LINC00305: variants seen among roughly 807,000 people sequenced by gnomAD.
LINC00305 encodes long intergenic non-protein coding RNA 305.
intron 1 of LINC00305, among the ~76,000 whole-genome samples, chr18:64,128,915 T>C (rs1363098830): frequency 6.6e-6 from 1 of 152,142 alleles, no homozygotes; most frequent in Admixed American, 6.6e-5. Flanking sequence ...TTTTAAATAT[T>C]GTCCCTGAAA....
At chr18:64,096,696 G>C (rs1230738583) in intron 3 of LINC00305, among the ~76,000 whole-genome samples, 4 of 151,698 alleles carry the variant, frequency 2.6e-5, no homozygotes, top group African/African-American at 9.7e-5. Context: ...TATAATATGG[G>C]AATAAATATT....
At chr18:64,143,485 G>GTT (rs1320946719) in intron 1 of LINC00305, among the ~76,000 whole-genome samples, 3 of 42,512 alleles carry the variant, frequency 7.1e-5, no homozygotes, top group Non-Finnish European at 1.3e-4. Flanking sequence ...CATTGATGGT[G>GTT]TGTGTGTGTA....
chr18:64,136,835 G>A (rs1160404504), intron 1 of LINC00305, among the ~76,000 whole-genome samples: 1 of 152,120 alleles, frequency 6.6e-6, no homozygotes, highest in Non-Finnish European at 1.5e-5. Context: ...AGCCTGAGAG[G>A]TGGTCCAGGA....
At chr18:64,141,850 G>A (rs866564160) in intron 1 of LINC00305, among the ~76,000 whole-genome samples, 1 of 152,150 alleles carries the variant, frequency 6.6e-6, no homozygotes, top group African/African-American at 2.4e-5. Context: ...TACTTTAAAT[G>A]AGAATATTCT....
intron 1 of LINC00305, among the ~76,000 whole-genome samples, chr18:64,126,070 C>T (rs2051383828): frequency 2.0e-5 from 3 of 151,954 alleles, no homozygotes; most frequent in East Asian, 1.9e-4. Context: ...GAACCATGAA[C>T]AAATAAATTT....
chr18:64,096,926 C>T (rs2144236330), intron 3 of LINC00305, among the ~76,000 whole-genome samples: 1 of 151,630 alleles, frequency 6.6e-6, no homozygotes, highest in African/African-American at 2.4e-5. Flanking sequence ...GCCAAAATAA[C>T]TAGAGGAATA....
intron 1 of LINC00305, among the ~76,000 whole-genome samples, chr18:64,113,217 C>T (rs1247531236): frequency 6.6e-6 from 1 of 152,236 alleles, no homozygotes; most frequent in African/African-American, 2.4e-5. Flanking sequence ...ACATTTCACT[C>T]TGCCACTTAC....
At chr18:64,118,127 G>A (rs1259812173) in intron 1 of LINC00305, among the ~76,000 whole-genome samples, 1 of 152,096 alleles carries the variant, frequency 6.6e-6, no homozygotes, top group African/African-American at 2.4e-5. Flanking sequence ...TCTAGTCAGG[G>A]GGTGTCTCTG....
intron 1 of LINC00305, among the ~76,000 whole-genome samples, chr18:64,126,555 A>G (rs377526530): frequency 6.6e-6 from 1 of 152,052 alleles, no homozygotes; most frequent in Non-Finnish European, 1.5e-5. Flanking sequence ...GAGATATAGG[A>G]TTGCTCAGAG....
In LINC00305 at chr18:64,140,707, C is replaced by T. The variant is rs555993082; in HGVS notation, n.314+8068G>A. Among the ~76,000 whole-genome samples, 8 of 152,058 alleles carry T rather than the reference C, an allele frequency of 5.3e-5. No individual in the cohort carries two copies. The South Asian group carries it at 8.3e-4, about 16-fold the overall frequency. On this transcript the variant is annotated intron_variant and non_coding_transcript_variant, in intron 1 of 3. Coordinates refer to ENST00000666468, the Ensembl canonical transcript of LINC00305. ...GTGTTACTGCCGTGGTTATGTTATG[C>T]GATATATGGCAAGAGAGACTTTGCA... is the stretch of plus-strand genomic sequence containing the variant.
At chr18:64,135,933 T>A (rs1428554485) in intron 1 of LINC00305, among the ~76,000 whole-genome samples, 1 of 151,540 alleles carries the variant, frequency 6.6e-6, no homozygotes. Context: ...GCTGGCATCT[T>A]ACAATTCTTC....
Position 64,124,853 on chromosome 18 carries a change from A to T in LINC00305, n.314+23922T>A, listed in dbSNP as rs1046075651. Among the ~76,000 whole-genome samples the T allele has an allele frequency of 2.0e-5, 3 of 152,250 alleles. No individual in the cohort carries two copies. The Middle Eastern group carries it at 0.01, about 518-fold the overall frequency. ...CACAGAGAGATTAAATAAACTGTCTAGAATCCTGCATCTCATCAGTGGAAT... is the reference window on the plus strand; with the variant it reads ...CACAGAGAGATTAAATAAACTGTCTTGAATCCTGCATCTCATCAGTGGAAT... On this transcript the variant is annotated intron_variant and non_coding_transcript_variant, in intron 1 of 3. Coordinates refer to ENST00000666468, the Ensembl canonical transcript of LINC00305.
intron 1 of LINC00305, among the ~76,000 whole-genome samples, chr18:64,141,704 C>CTAT (rs991162607): frequency 1.3e-5 from 2 of 152,198 alleles, no homozygotes; most frequent in Non-Finnish European, 2.9e-5. Context: ...TGTACTGGAA[C>CTAT]TATTGTCCTT....
At chr18:64,087,297 G>C (rs986034026) in intron 3 of LINC00305, among the ~76,000 whole-genome samples, 11 of 152,050 alleles carry the variant, frequency 7.2e-5, no homozygotes, top group African/African-American at 2.4e-4. Context: ...GCATCATATT[G>C]CATAGTTAAC....
At chr18:64,111,584 A>G (rs1409336109) in intron 1 of LINC00305, among the ~76,000 whole-genome samples, 1 of 152,254 alleles carries the variant, frequency 6.6e-6, no homozygotes, top group East Asian at 1.9e-4. Context: ...AGACTAAGTC[A>G]GCTGGCAGAT....
At chr18:64,112,348 A>T (rs900832312) in intron 1 of LINC00305, among the ~76,000 whole-genome samples, 29 of 152,230 alleles carry the variant, frequency 1.9e-4, no homozygotes, top group African/African-American at 6.3e-4. Flanking sequence ...AAAAAAAAAA[A>T]AAAAAAATCC....
intron 1 of LINC00305, among the ~76,000 whole-genome samples, chr18:64,133,692 C>G (rs896018434): frequency 6.6e-6 from 1 of 152,170 alleles, no homozygotes; most frequent in African/African-American, 2.4e-5. Flanking sequence ...TCCTTACATA[C>G]TCCATGGTAA....
chr18:64,139,042 A>G (rs369399947), intron 1 of LINC00305, among the ~76,000 whole-genome samples: 1 of 152,212 alleles, frequency 6.6e-6, no homozygotes, highest in East Asian at 1.9e-4. Flanking sequence ...GAACTTTTGC[A>G]GGGAACAGTT....
intron 3 of LINC00305, among the ~76,000 whole-genome samples, chr18:64,092,160 C>T (rs532716499): frequency 1.4e-3 from 206 of 152,354 alleles, no homozygotes; most frequent in Non-Finnish European, 2.1e-3. Context: ...CTCCTCATTT[C>T]TCCTTGGTGC....
Sources: allele counts gnomAD v4.1 joint callset (sites outside exome capture counted in the v4.1 genomes callset), GRCh38; gene constraint gnomAD v4.1.1; transcripts MANE v1.5; gene names NCBI Gene and HGNC (gene_info 2026-07-23, HGNC 2026-07-21).